SCN8A: variants seen among roughly 807,000 people sequenced by gnomAD.
SCN8A encodes sodium channel protein type 8 subunit alpha.
Under a neutral mutation model 184.1 loss-of-function variants are expected in SCN8A, and 30 were observed. That is an observed-to-expected ratio of 0.16 (90% CI 0.12 to 0.22). The LOEUF is 0.22. Ranked by LOEUF, SCN8A falls within the 10% of genes least tolerant of loss-of-function variation. The pLI is 1.00. For synonymous variants in SCN8A, 852 were observed against 907.0 expected (o/e 0.94, Z 1.09); for missense variants, 1,057 against 2,498.9 (o/e 0.42, Z 12.30).
At chr12:51,770,492 T>A in intron 18 of SCN8A, 37 bp from the exon 19 acceptor site, 1 of 1,531,670 alleles carries the variant, frequency 6.5e-7, no homozygotes, top group South Asian at 1.3e-5. Context: ...GCGGGGCACG[T>A]TTCCACGGTC....
intron 1 of SCN8A, among the ~76,000 whole-genome samples, chr12:51,650,017 C>T (rs1348798633): frequency 6.6e-6 from 1 of 152,152 alleles, no homozygotes; most frequent in African/African-American, 2.4e-5. Context: ...TTTCTTCTGC[C>T]AGATACCCTA....
At chr12:51,778,950 T>G (rs1479033677) in intron 20 of SCN8A, among the ~76,000 whole-genome samples, 2 of 152,054 alleles carry the variant, frequency 1.3e-5, no homozygotes, top group Non-Finnish European at 2.9e-5. Flanking sequence ...GCATGGTGGC[T>G]CAAGCCTGTA....
intron 12 of SCN8A, among the ~76,000 whole-genome samples, chr12:51,724,386 G>A (rs1212299902): frequency 6.6e-6 from 1 of 152,124 alleles, no homozygotes; most frequent in East Asian, 1.9e-4. Context: ...GGCGGAGGCT[G>A]TAATGAGCCA....
chr12:51,781,654 ACGCACG>A (rs1296070812), intron 21 of SCN8A, among the ~76,000 whole-genome samples: 1 of 151,134 alleles, frequency 6.6e-6, no homozygotes, highest in Non-Finnish European at 1.5e-5. Flanking sequence ...GTGCACGCGC[ACGCACG>A]CGCACACACA....
At chr12:51,772,888 G>A (rs918536201) in intron 19 of SCN8A, among the ~76,000 whole-genome samples, 14 of 151,878 alleles carry the variant, frequency 9.2e-5, no homozygotes, top group Non-Finnish European at 1.6e-4. Flanking sequence ...AGGCTGAGGC[G>A]GGCGAATCAC....
chr12:51,672,238 C>T (rs1177238359), intron 2 of SCN8A, among the ~76,000 whole-genome samples: 1 of 152,152 alleles, frequency 6.6e-6, no homozygotes, highest in Non-Finnish European at 1.5e-5. Flanking sequence ...TCACCACATA[C>T]ACATATCTAC....
At chr12:51,614,226 A>C (rs1339330863) in intron 1 of SCN8A, among the ~76,000 whole-genome samples, 1 of 151,822 alleles carries the variant, frequency 6.6e-6, no homozygotes, top group Non-Finnish European at 1.5e-5. Context: ...TTTTATCCTT[A>C]GTTTTGTTAG....
In SCN8A at chr12:51,803,297, G is replaced by A. The variant is rs190145700; in HGVS notation, c.4796-2985G>A. On this transcript the variant is annotated intron_variant, in intron 26 of 26. Coordinates refer to ENST00000627620, the MANE Select transcript of SCN8A (RefSeq NM_001330260.2). ...GCGCGGGAGGAGATGAAGGCCGGAA[G>A]ACTCAGCAAGTCAGCTTCTTCCACC... Among the ~76,000 whole-genome samples the A allele has an allele frequency of 2.0e-5, 3 of 152,178 alleles. No individual in the cohort carries two copies. The East Asian group carries it at 5.8e-4, about 29-fold the overall frequency.
rs370105734 is a variant in SCN8A at position 51,794,388 on chromosome 12, C to T, written c.4542C>T (p.Ile1514=). Residue 1514 remains isoleucine (I), a synonymous_variant, in exon 26 of 27, where the codon ATC becomes ATT. Transcript: ENST00000627620. ...IPRPLNKIQG[I]VFDFVTQQAF... ...CTCCCCAGAACAAAATCCAAGGAATCGTCTTTGATTTTGTCACTCAGCAAG... is the reference window on the plus strand; with the variant it reads ...CTCCCCAGAACAAAATCCAAGGAATTGTCTTTGATTTTGTCACTCAGCAAG... 1.9e-5 allele frequency: 31 copies of T among 1,609,868 alleles called. No homozygotes were observed. The highest frequency in any genetic ancestry group is 1.5e-4 in the South Asian group (14 of 90,782).
chr12:51,673,171 A>G (rs1240688164), intron 2 of SCN8A, among the ~76,000 whole-genome samples: 11 of 152,246 alleles, frequency 7.2e-5, no homozygotes, highest in Admixed American at 4.6e-4. Flanking sequence ...TGTACTGAAC[A>G]TGTACAGACA....
intron 1 of SCN8A, among the ~76,000 whole-genome samples, chr12:51,634,557 C>CT (rs1940270342): frequency 6.6e-6 from 1 of 151,726 alleles, no homozygotes; most frequent in Non-Finnish European, 1.5e-5. Flanking sequence ...TAGTGGTTCT[C>CT]TTAAGTATTA....
At chr12:51,612,217 A>G (rs138422884) in intron 1 of SCN8A, among the ~76,000 whole-genome samples, 98 of 152,278 alleles carry the variant, frequency 6.4e-4, no homozygotes, top group Non-Finnish European at 1.2e-3. Context: ...GCTGGAGTGT[A>G]GTGGCGCGAA....
chr12:51,778,316 C>T (rs1937776046), intron 20 of SCN8A, among the ~76,000 whole-genome samples: 1 of 152,030 alleles, frequency 6.6e-6, no homozygotes. Context: ...TGGAGTTTCT[C>T]TCTTTTTGTC....
At chr12:51,645,184 G>T (rs1481223744) in intron 1 of SCN8A, among the ~76,000 whole-genome samples, 1 of 137,594 alleles carries the variant, frequency 7.3e-6, no homozygotes, top group South Asian at 2.5e-4. Flanking sequence ...CCGGCCAGCC[G>T]CCCTGTCCGG....
chr12:51,708,368 G>T (rs1389040954), intron 11 of SCN8A, among the ~76,000 whole-genome samples: 1 of 152,160 alleles, frequency 6.6e-6, no homozygotes, highest in Non-Finnish European at 1.5e-5. Flanking sequence ...AAGACTTAGG[G>T]TAATTGTTGA....
intron 1 of SCN8A, among the ~76,000 whole-genome samples, chr12:51,618,668 G>A (rs1274225747): frequency 6.6e-6 from 1 of 152,128 alleles, no homozygotes; most frequent in Middle Eastern, 3.2e-3. Context: ...GAGATACAGG[G>A]TAGAGTGGGC....
intron 2 of SCN8A, among the ~76,000 whole-genome samples, chr12:51,666,502 C>T (rs755200857): frequency 6.6e-6 from 1 of 152,190 alleles, no homozygotes; most frequent in Non-Finnish European, 1.5e-5. Context: ...ATCAAAAAGT[C>T]ATAAGGGTAG....
At position 51,721,881 on chromosome 12, in the gene SCN8A, C is replaced by G. The variant is rs1467297909; in HGVS notation, c.1971C>G (p.Ser657=). ...GVVSLIGGPG[S]HIGGRLLPEA... ...TGTCCCTCATCGGCGGCCCCGGCTC[C>G]CACATCGGCGGGCGTCTCCTGCCAG... Residue 657 remains serine (S), a synonymous_variant, in exon 12 of 27, where the codon TCC becomes TCG. Coordinates refer to ENST00000627620, the MANE Select transcript of SCN8A (RefSeq NM_001330260.2). The G allele has an allele frequency of 3.1e-6, 5 of 1,601,510 alleles. No homozygotes were observed. The highest frequency in any genetic ancestry group is 4.2e-6 in the Non-Finnish European group (5 of 1,179,798).
At chr12:51,608,118 T>G (rs545483596) in intron 1 of SCN8A, among the ~76,000 whole-genome samples, 2 of 151,580 alleles carry the variant, frequency 1.3e-5, no homozygotes, top group African/African-American at 2.4e-5. Context: ...CCTCCCGGGT[T>G]CACACCATTC....
Sources: gnomAD v4.1 joint callset for allele counts (sites outside exome capture counted in the v4.1 genomes callset) on GRCh38, gnomAD v4.1.1 for gene constraint, MANE v1.5 for transcripts, NCBI Gene and HGNC (gene_info 2026-07-23, HGNC 2026-07-21) for gene names.